Variants in NEK11 observed in about 807,000 individuals in gnomAD.
The protein encoded by NEK11 is NIMA related kinase 11.
NEK11 carries 72 observed loss-of-function variants against 80.7 expected under a neutral mutation model. That is an observed-to-expected ratio of 0.89 (90% CI 0.74 to 1.08). The LOEUF is 1.08. Ranked by LOEUF, NEK11 falls within the 50% of genes least tolerant of loss-of-function variation. The pLI, the probability that NEK11 is intolerant of heterozygous loss-of-function variation, is 0.00. For synonymous variants in NEK11, 251 were observed against 260.7 expected (o/e 0.96, Z 0.36); for missense variants, 764 against 763.6 (o/e 1.00, Z -0.01).
intron 15 of NEK11, among the ~76,000 whole-genome samples, chr3:131,234,793 A>G (rs1187242875): frequency 2.0e-5 from 3 of 149,808 alleles, no homozygotes; most frequent in Non-Finnish European, 3.0e-5. Context: ...ACATTATATC[A>G]CTTACTTCTC....
intron 17 of NEK11, among the ~76,000 whole-genome samples, chr3:131,276,913 A>G (rs2096302263): frequency 6.6e-6 from 1 of 152,156 alleles, no homozygotes; most frequent in South Asian, 2.1e-4. Context: ...CTCAGTTGCT[A>G]TGTCTCTTTG....
At chr3:131,251,269 G>A (rs942487501) in intron 16 of NEK11, among the ~76,000 whole-genome samples, 3 of 151,226 alleles carry the variant, frequency 2.0e-5, no homozygotes, top group Non-Finnish European at 4.4e-5. Context: ...TGAAGGTGAG[G>A]CAGGAAGCTT....
intron 16 of NEK11, among the ~76,000 whole-genome samples, chr3:131,262,392 A>G (rs2108493503): frequency 6.6e-6 from 1 of 152,302 alleles, no homozygotes; most frequent in South Asian, 2.1e-4. Context: ...TAACAAAAAG[A>G]AATAGAAAAC....
intron 3 of NEK11, among the ~76,000 whole-genome samples, chr3:131,058,786 C>T (rs530228519): frequency 1.3e-5 from 2 of 152,270 alleles, no homozygotes; most frequent in Admixed American, 1.3e-4. Context: ...CCTATTAGCT[C>T]TCCCATCCTC....
chr3:131,329,992 G>T (rs889516834), intron 17 of NEK11: 2 of 152,318 alleles, frequency 1.3e-5, no homozygotes, highest in Non-Finnish European at 1.5e-5. Flanking sequence ...ACAATAGACT[G>T]TAGAGTAGTG....
chr3:131,178,276 C>T (rs1160788780), intron 14 of NEK11, among the ~76,000 whole-genome samples: 1 of 152,084 alleles, frequency 6.6e-6, no homozygotes, highest in Non-Finnish European at 1.5e-5. Flanking sequence ...AACACTTAGG[C>T]TATACTAAAT....
intron 14 of NEK11, among the ~76,000 whole-genome samples, chr3:131,188,984 G>A (rs1381219643): frequency 7.9e-5 from 12 of 152,154 alleles, no homozygotes; most frequent in Non-Finnish European, 1.5e-5. Context: ...TGAATCCAGT[G>A]ACAAGTCCTC....
chr3:131,228,708 G>T lies in NEK11; in HGVS notation c.1560+20G>T, dbSNP rs368348176. Reference sequence around the variant, plus strand: ...CAACAGGTATGTAATGCTCCCTGTCGGAAGCCATGGAACTGTTCAAGGTAC... The same window carrying T: ...CAACAGGTATGTAATGCTCCCTGTCTGAAGCCATGGAACTGTTCAAGGTAC... On this transcript the variant is annotated intron_variant, in intron 15 of 17. Transcript: ENST00000383366. 1 of 1,605,120 alleles carries T rather than the reference G, an allele frequency of 6.2e-7. No homozygotes were observed. Among genetic ancestry groups the T allele is most frequent in the South Asian group, 1.1e-5 (1 of 89,216 alleles).
At chr3:131,175,093 T>G in intron 14 of NEK11, 1 of 1,104,600 alleles carries the variant, frequency 9.1e-7, no homozygotes, top group Non-Finnish European at 1.1e-6. Context: ...CTCTTCTTTT[T>G]AAATGTCCAA....
chr3:131,286,899 T>C (rs1478159130), intron 17 of NEK11, among the ~76,000 whole-genome samples: 1 of 152,180 alleles, frequency 6.6e-6, no homozygotes, highest in African/African-American at 2.4e-5. Flanking sequence ...ATTAAGACCC[T>C]TGGGGTGTGA....
intron 14 of NEK11, among the ~76,000 whole-genome samples, chr3:131,224,360 C>T (rs563313795): frequency 5.3e-5 from 8 of 152,018 alleles, no homozygotes; most frequent in Admixed American, 3.9e-4. Context: ...CCCAGTTAGC[C>T]GGGACCACAG....
chr3:131,256,181 A>G (rs2095813053), intron 16 of NEK11, among the ~76,000 whole-genome samples: 2 of 152,132 alleles, frequency 1.3e-5, no homozygotes, highest in South Asian at 4.1e-4. Context: ...CATATTGTAC[A>G]TTTCAAAATG....
intron 14 of NEK11, among the ~76,000 whole-genome samples, chr3:131,187,810 G>T (rs1414134239): frequency 6.6e-6 from 1 of 152,116 alleles, no homozygotes; most frequent in Admixed American, 6.6e-5. Flanking sequence ...AAGTCACACA[G>T]ATTGAAAATA....
intron 16 of NEK11, among the ~76,000 whole-genome samples, chr3:131,262,794 C>T (rs2095954835): frequency 6.6e-6 from 1 of 152,128 alleles, no homozygotes; most frequent in Non-Finnish European, 1.5e-5. Flanking sequence ...GGTATTTCTC[C>T]TAATGCTATC....
intron 3 of NEK11, among the ~76,000 whole-genome samples, chr3:131,040,643 A>G (rs1240814993): frequency 6.6e-6 from 1 of 152,188 alleles, no homozygotes; most frequent in Non-Finnish European, 1.5e-5. Context: ...TTGGGTTCAT[A>G]CCAGCCAATT....
chr3:131,129,052 C>CTT (rs759751535), intron 5 of NEK11, among the ~76,000 whole-genome samples: 12,127 of 109,538 alleles, frequency 0.11, 1,959 homozygotes, highest in East Asian at 0.41. Context: ...GGATAACAGT[C>CTT]TTTTTTTTTT....
intron 14 of NEK11, among the ~76,000 whole-genome samples, chr3:131,208,617 G>C (rs1212630267): frequency 6.6e-6 from 1 of 152,142 alleles, no homozygotes; most frequent in Admixed American, 6.5e-5. Context: ...TCTTCCATTT[G>C]TTTGTGTCCT....
At chr3:131,171,945 C>G (rs900508693) in intron 14 of NEK11, among the ~76,000 whole-genome samples, 2 of 152,188 alleles carry the variant, frequency 1.3e-5, no homozygotes, top group Non-Finnish European at 2.9e-5. Flanking sequence ...TGCAACGTTA[C>G]TTTTAGAGAA....
chr3:131,056,300 G>A (rs1412961619), intron 3 of NEK11, among the ~76,000 whole-genome samples: 1 of 152,114 alleles, frequency 6.6e-6, no homozygotes, highest in African/African-American at 2.4e-5. Flanking sequence ...TTGTAGACAT[G>A]GTCTCCTTGC....
Sources: allele counts gnomAD v4.1 joint callset (sites outside exome capture counted in the v4.1 genomes callset), GRCh38; gene constraint gnomAD v4.1.1; transcripts MANE v1.5; gene names NCBI Gene and HGNC (gene_info 2026-07-23, HGNC 2026-07-21).